ARHGAP32: variants seen among roughly 807,000 people sequenced by gnomAD.
ARHGAP32 encodes rho GTPase-activating protein 32.
ARHGAP32 carries 51 observed loss-of-function variants against 186.5 expected under a neutral mutation model. The observed-to-expected ratio is 0.27, with a 90% CI of 0.22 to 0.35. The LOEUF (loss-of-function observed/expected upper bound fraction) is 0.35, where lower values mean the gene tolerates loss of function less well. ARHGAP32 is among the 10% of genes least tolerant of loss of function. The pLI is 1.00. For missense variants in ARHGAP32, 2,186 were observed against 2,623.5 expected (o/e 0.83, Z 3.64); for synonymous variants, 950 against 964.3 (o/e 0.99, Z 0.27).
intron 11 of ARHGAP32, among the ~76,000 whole-genome samples, chr11:129,008,441 A>G (rs1319089159): frequency 2.0e-5 from 3 of 152,320 alleles, no homozygotes; most frequent in Non-Finnish European, 2.9e-5. Flanking sequence ...ATTCTACACA[A>G]GATTAGACAT....
At chr11:129,241,036 T>C (rs576882915) in intron 1 of ARHGAP32, among the ~76,000 whole-genome samples, 2 of 152,364 alleles carry the variant, frequency 1.3e-5, no homozygotes, top group Non-Finnish European at 2.9e-5. Flanking sequence ...TTACCATCAC[T>C]GCAGCTTTGA....
chr11:129,053,882 G>A (rs1322463664), intron 10 of ARHGAP32, among the ~76,000 whole-genome samples: 2 of 152,070 alleles, frequency 1.3e-5, no homozygotes, highest in Non-Finnish European at 2.9e-5. Context: ...TTTGAATAAT[G>A]AAAAGATGCA....
At chr11:129,054,878 G>C (rs770089549) in intron 10 of ARHGAP32, among the ~76,000 whole-genome samples, 5 of 152,172 alleles carry the variant, frequency 3.3e-5, no homozygotes, top group Non-Finnish European at 7.4e-5. Flanking sequence ...AGAAAAGAAA[G>C]AGAGTCACAG....
At position 128,990,514 on chromosome 11, in the gene ARHGAP32, T is replaced by C. The variant is rs151178826; in HGVS notation, c.1196-2389A>G. 3.7e-3 allele frequency among the ~76,000 whole-genome samples: 566 copies of C among 152,314 alleles called. 5 individuals are homozygous for C. Among genetic ancestry groups the C allele is most frequent in the Middle Eastern group, 0.014 (4 of 294 alleles). On this transcript the variant is annotated intron_variant, in intron 12 of 22. Coordinates refer to ENST00000682385, the MANE Select transcript of ARHGAP32 (RefSeq NM_001378024.1). The stretch of plus-strand genomic sequence containing the variant: ...GAACCTTAGTTTTCATATGAATACA[T>C]TTTCAACTACATGCTTTCTACCTCT...
At position 128,983,327 on chromosome 11, in the gene ARHGAP32, C is replaced by T. The variant is rs142214446; in HGVS notation, c.1527-1391G>A. Among the ~76,000 whole-genome samples the T allele has an allele frequency of 1.5e-3, 233 of 152,152 alleles. 2 individuals are homozygous for T. The highest frequency in any genetic ancestry group is 2.8e-3 in the Admixed American group (42 of 15,252). ...TGTATATAATTAAGAGAAGACAAAC[C>T]GAAGTGAGGCTGGCCTGGGTATGAC... On this transcript the variant is annotated intron_variant, in intron 15 of 22. Transcript: ENST00000682385.
chr11:128,972,947 A>C lies in ARHGAP32; in HGVS notation c.3559T>G (p.Ser1187Ala). Residue 1187 changes from serine to alanine, a missense_variant, in exon 22 of 23, where the codon TCA becomes GCA. Around this residue, in one of 5 missense-constraint regions of ARHGAP32, gnomAD observed 1,502 missense variants for 1,570.0 expected, o/e 0.96. Coordinates refer to ENST00000682385, the MANE Select transcript of ARHGAP32 (RefSeq NM_001378024.1). Reference protein sequence around the residue: ...KARITSVPLDSEKSDDHVSFP... With the variant: ...KARITSVPLDAEKSDDHVSFP... Reference sequence around the variant, plus strand: ...CTTACATGATCATCAGACTTCTCTGAGTCTAAGGGAACTGAAGTAATTCTG... The same window carrying C: ...CTTACATGATCATCAGACTTCTCTGCGTCTAAGGGAACTGAAGTAATTCTG... 6.2e-7 allele frequency: 1 copy of C among 1,613,976 alleles called. No individual in the cohort carries two copies. The highest frequency in any genetic ancestry group is 8.5e-7 in the Non-Finnish European group (1 of 1,180,006).
chr11:129,002,839 C>T (rs1465158885), intron 11 of ARHGAP32, among the ~76,000 whole-genome samples: 2 of 120,684 alleles, frequency 1.7e-5, no homozygotes, highest in Non-Finnish European at 3.2e-5. Context: ...GACGGAGTCT[C>T]GCTCTGTCAC....
intron 5 of ARHGAP32, among the ~76,000 whole-genome samples, chr11:129,103,469 G>T (rs1351617436): frequency 6.6e-6 from 1 of 151,944 alleles, no homozygotes; most frequent in African/African-American, 2.4e-5. Context: ...AGATAAGAGA[G>T]AATGAAGCAG....
intron 5 of ARHGAP32, among the ~76,000 whole-genome samples, chr11:129,105,442 A>AG (rs2135317118): frequency 6.6e-6 from 1 of 152,326 alleles, no homozygotes; most frequent in South Asian, 2.1e-4. Context: ...CCAGTACAGA[A>AG]GCAACACGTA....
At chr11:129,060,399 C>A (rs1057460153) in intron 10 of ARHGAP32, among the ~76,000 whole-genome samples, 4 of 148,542 alleles carry the variant, frequency 2.7e-5, no homozygotes, top group Non-Finnish European at 6.1e-5. Flanking sequence ...GACAGACAGA[C>A]AGACAGACAG....
intron 12 of ARHGAP32, among the ~76,000 whole-genome samples, chr11:128,997,413 T>C (rs996342162): frequency 1.3e-5 from 2 of 152,180 alleles, no homozygotes; most frequent in African/African-American, 4.8e-5. Flanking sequence ...ATCAACTCAG[T>C]ATTATTATTA....
chr11:129,046,685 A>G (rs1591563103), intron 10 of ARHGAP32, among the ~76,000 whole-genome samples: 1 of 152,342 alleles, frequency 6.6e-6, no homozygotes, highest in East Asian at 1.9e-4. Context: ...TAGAGAAGAA[A>G]CTACTGCAAT....
At chr11:128,988,602 G>A (rs963003857) in intron 12 of ARHGAP32, among the ~76,000 whole-genome samples, 1 of 152,138 alleles carries the variant, frequency 6.6e-6, no homozygotes, top group African/African-American at 2.4e-5. Context: ...TTCTAGAAAA[G>A]GATCTTCTAT....
intron 1 of ARHGAP32, among the ~76,000 whole-genome samples, chr11:129,210,424 T>C (rs1391044046): frequency 6.6e-6 from 1 of 152,194 alleles, no homozygotes; most frequent in East Asian, 1.9e-4. Context: ...ACACTGTCCC[T>C]GTATTACAGC....
At chr11:129,163,284 G>A (rs1256337575) in intron 2 of ARHGAP32, among the ~76,000 whole-genome samples, 1 of 152,112 alleles carries the variant, frequency 6.6e-6, no homozygotes, top group East Asian at 1.9e-4. Context: ...AGAGAACACT[G>A]ACTCTTAACC....
chr11:129,052,608 T>C (rs1217159229), intron 10 of ARHGAP32, among the ~76,000 whole-genome samples: 1 of 148,472 alleles, frequency 6.7e-6, no homozygotes, highest in African/African-American at 2.5e-5. Flanking sequence ...TTTCACATCT[T>C]TTTTTTTTTC....
chr11:129,204,594 T>G (rs553886340), intron 1 of ARHGAP32, among the ~76,000 whole-genome samples: 1 of 152,340 alleles, frequency 6.6e-6, no homozygotes, highest in African/African-American at 2.4e-5. Context: ...CACTCTGCTT[T>G]GAAGTTGGTT....
rs200863293 is a variant in ARHGAP32 at position 129,188,144 on chromosome 11, C to A, written c.116+3939G>T. ...CTAATTTTTGTATTTTTAGTAGAGA[C>A]AGGGTTTCACCATGTTGGCCAGGCT... On this transcript the variant is annotated intron_variant, in intron 1 of 22. Coordinates refer to ENST00000682385, the MANE Select transcript of ARHGAP32 (RefSeq NM_001378024.1). Among the ~76,000 whole-genome samples, 18 of 152,136 alleles carry A rather than the reference C, an allele frequency of 1.2e-4. No individual in the cohort carries two copies. The East Asian group carries it at 2.9e-3, about 25-fold the overall frequency.
At chr11:129,267,104 A>G (rs1454967412) in intron 1 of ARHGAP32, among the ~76,000 whole-genome samples, 2 of 152,210 alleles carry the variant, frequency 1.3e-5, no homozygotes, top group Non-Finnish European at 1.5e-5. Context: ...TGTTCTAAAA[A>G]CAAACTCAGA....
Sources: gnomAD v4.1 joint callset for allele counts (sites outside exome capture counted in the v4.1 genomes callset) on GRCh38, gnomAD v4.1.1 for gene constraint, gnomAD v4.1.1 regional missense constraint, MANE v1.5 for transcripts, NCBI Gene and HGNC (gene_info 2026-07-23, HGNC 2026-07-21) for gene names.